SIL1: variants seen among roughly 807,000 people sequenced by gnomAD.
SIL1 encodes SIL1 nucleotide exchange factor.
Under a neutral mutation model 49.1 loss-of-function variants are expected in SIL1, and 40 were observed. The observed-to-expected ratio is 0.81, with a 90% CI of 0.63 to 1.06. The LOEUF (loss-of-function observed/expected upper bound fraction) is 1.06, where lower values mean the gene tolerates loss of function less well. SIL1 is among the 50% of genes least tolerant of loss of function. SIL1 has a pLI of 0.00. For synonymous variants in SIL1, 253 were observed against 250.8 expected (o/e 1.01, Z -0.08); for missense variants, 500 against 572.6 (o/e 0.87, Z 1.29).
intron 3 of SIL1, among the ~76,000 whole-genome samples, chr5:139,103,705 CCA>C (rs746518603): frequency 3.9e-5 from 6 of 152,182 alleles, no homozygotes; most frequent in African/African-American, 7.2e-5. Flanking sequence ...CAATTCATTA[CCA>C]ATCATCTTTA....
intron 7 of SIL1, among the ~76,000 whole-genome samples, chr5:138,983,235 G>A (rs1254759547): frequency 5.0e-5 from 7 of 140,770 alleles, no homozygotes; most frequent in Admixed American, 7.3e-5. Flanking sequence ...AAGGCCGGGC[G>A]CGGTGGCTCA....
At chr5:139,046,179 T>A (rs1170342906) in intron 4 of SIL1, among the ~76,000 whole-genome samples, 5 of 152,112 alleles carry the variant, frequency 3.3e-5, no homozygotes, top group Non-Finnish European at 7.4e-5. Context: ...ATACAAAAAT[T>A]GGCTGGGTGT....
chr5:139,192,168 T>C (rs1288044170), intron 1 of SIL1, among the ~76,000 whole-genome samples: 1 of 150,514 alleles, frequency 6.6e-6, no homozygotes, highest in Non-Finnish European at 1.5e-5. Flanking sequence ...GGTGGAAGGA[T>C]TGCTTGATCC....
At chr5:139,155,918 T>C (rs1433517930) in intron 1 of SIL1, among the ~76,000 whole-genome samples, 1 of 152,012 alleles carries the variant, frequency 6.6e-6, no homozygotes, top group Non-Finnish European at 1.5e-5. Context: ...CTGCAACCTC[T>C]GCCTCCCAGG....
At chr5:138,972,797 G>A (rs1379803231) in intron 7 of SIL1, among the ~76,000 whole-genome samples, 1 of 152,226 alleles carries the variant, frequency 6.6e-6, no homozygotes, top group African/African-American at 2.4e-5. Flanking sequence ...CATGAACCAA[G>A]AGTTTAATCC....
chr5:138,952,357 T>C lies in SIL1; in HGVS notation c.768-473A>G, dbSNP rs533177075. On this transcript the variant is annotated intron_variant, in intron 7 of 9. Transcript: ENST00000394817. ...TGCCCCAAGGCCAGGGCCCCATCCC[T>C]CTCCTCTCCTGGGTCGGCACTCAGA... is the stretch of plus-strand genomic sequence containing the variant. Among the ~76,000 whole-genome samples the C allele has an allele frequency of 2.6e-5, 4 of 152,240 alleles. No individual in the cohort carries two copies. In the South Asian group the frequency reaches 8.3e-4, roughly 32 times the overall value.
chr5:139,187,871 G>A (rs1466915429), intron 1 of SIL1: 2 of 152,158 alleles, frequency 1.3e-5, no homozygotes, highest in Non-Finnish European at 1.5e-5. Context: ...TCATAGGGGC[G>A]GATTTCCCCC....
At chr5:139,110,873 G>A (rs1298239064) in intron 3 of SIL1, among the ~76,000 whole-genome samples, 2 of 152,224 alleles carry the variant, frequency 1.3e-5, no homozygotes, top group African/African-American at 2.4e-5. Flanking sequence ...AAAGCCCCAT[G>A]GGCCAGATGG....
intron 1 of SIL1, among the ~76,000 whole-genome samples, chr5:139,169,909 G>A (rs1441240987): frequency 1.9e-5 from 2 of 104,192 alleles, no homozygotes; most frequent in Non-Finnish European, 5.0e-5. Flanking sequence ...GTCTCCCTCT[G>A]ATGCCGAGCC....
intron 5 of SIL1, among the ~76,000 whole-genome samples, chr5:139,041,989 T>C (rs940035666): frequency 6.6e-6 from 1 of 152,166 alleles, no homozygotes; most frequent in African/African-American, 2.4e-5. Context: ...GGTATAGACC[T>C]GCACCTGTGA....
At chr5:139,145,669 T>C (rs1437640779) in intron 1 of SIL1, among the ~76,000 whole-genome samples, 1 of 139,306 alleles carries the variant, frequency 7.2e-6, no homozygotes, top group Non-Finnish European at 1.5e-5. Context: ...TGTGTGTGTG[T>C]GTGTGTGTGT....
intron 1 of SIL1, among the ~76,000 whole-genome samples, chr5:139,184,811 T>C (rs1018990921): frequency 1.3e-5 from 2 of 152,158 alleles, no homozygotes; most frequent in Non-Finnish European, 2.9e-5. Flanking sequence ...TGAGAAACCC[T>C]AGGACATTTC....
At chr5:139,046,784 T>C (rs1769176719) in intron 4 of SIL1, among the ~76,000 whole-genome samples, 1 of 152,176 alleles carries the variant, frequency 6.6e-6, no homozygotes, top group African/African-American at 2.4e-5. Context: ...ACCAATCCAG[T>C]CTTTGACAGG....
intron 3 of SIL1, among the ~76,000 whole-genome samples, chr5:139,087,013 A>C (rs1770238908): frequency 6.6e-6 from 1 of 151,764 alleles, no homozygotes; most frequent in South Asian, 2.1e-4. Context: ...AAATTATATA[A>C]ATAGAAATGG....
intron 3 of SIL1, among the ~76,000 whole-genome samples, chr5:139,113,269 C>G (rs907849592): frequency 2.4e-4 from 36 of 151,054 alleles, no homozygotes; most frequent in Non-Finnish European, 5.0e-4. Context: ...TCCCCCTCTG[C>G]GAGAAACACC....
At position 138,951,276 on chromosome 5, in the gene SIL1, C is replaced by T; in HGVS notation, c.924G>A (p.Leu308=). The change falls in exon 9 of 10, where the codon CTG becomes CTA. Residue 308 remains leucine, a synonymous_variant. Coordinates refer to ENST00000394817, the MANE Select transcript of SIL1 (RefSeq NM_022464.5). ...RHFPYAQRQF[L]KLGGLQVLRT... ...TCAGGACCTGCAGCCCCCCGAGCTT[C>T]AGGAACTGCCGCTGGGCATAGGGGA... 2.5e-6 allele frequency: 4 copies of T among 1,577,586 alleles called. No individual in the cohort carries two copies. Among genetic ancestry groups the T allele is most frequent in the Non-Finnish European group, 3.4e-6 (4 of 1,160,952 alleles).
chr5:139,127,662 C>T, intron 2 of SIL1, 77 bp downstream of exon 2: 1 of 1,207,398 alleles, frequency 8.3e-7, no homozygotes, highest in South Asian at 1.3e-5. Context: ...ACCCTACTCC[C>T]ACAACAGCCC....
intron 1 of SIL1, among the ~76,000 whole-genome samples, chr5:139,188,301 A>G (rs1216595793): frequency 6.6e-6 from 1 of 152,234 alleles, no homozygotes; most frequent in African/African-American, 2.4e-5. Flanking sequence ...CAGGGGAAGC[A>G]ACAAAACTAG....
chr5:138,961,950 GACT>G (rs1248032390), intron 7 of SIL1, among the ~76,000 whole-genome samples: 3 of 131,424 alleles, frequency 2.3e-5, no homozygotes, highest in East Asian at 4.2e-4. Context: ...ATGTTCTCTA[GACT>G]TTTTTTTTTT....
Sources: allele counts gnomAD v4.1 joint callset (sites outside exome capture counted in the v4.1 genomes callset), GRCh38; gene constraint gnomAD v4.1.1; transcripts MANE v1.5; gene names NCBI Gene and HGNC (gene_info 2026-07-23, HGNC 2026-07-21).